The following PTPRA variants were observed in gnomAD, a reference collection of about 807,000 sequenced individuals.
The protein encoded by PTPRA is receptor-type tyrosine-protein phosphatase alpha.
A neutral mutation model predicts 104.8 loss-of-function variants in PTPRA; 25 were observed. That is an observed-to-expected ratio of 0.24 (90% confidence interval 0.17 to 0.33). The LOEUF is 0.33. PTPRA is among the 10% of genes least tolerant of loss of function. The pLI is 1.00. For missense variants in PTPRA, 765 were observed against 1,015.3 expected (o/e 0.75, Z 3.35); for synonymous variants, 323 against 368.9 (o/e 0.88, Z 1.43).
At chr20:2,895,681 G>GCT (rs1326010528) in intron 1 of PTPRA, among the ~76,000 whole-genome samples, 1 of 151,860 alleles carries the variant, frequency 6.6e-6, no homozygotes, top group Non-Finnish European at 1.5e-5. Flanking sequence ...CAAACACCTG[G>GCT]AATTAGTCTG....
chr20:2,865,064 C>T, the PTPRA span: 1 of 1,614,056 alleles, frequency 6.2e-7, no homozygotes, highest in African/African-American at 1.3e-5. This position sits in a 1 kb window ranked among gnomAD's most constrained non-coding sequence, Gnocchi z 5.2. Flanking sequence ...AGGTTTGGCC[C>T]ACCTTTTTCC....
the PTPRA span, chr20:2,866,324 A>G: frequency 8.7e-6 from 14 of 1,614,016 alleles, no homozygotes; most frequent in African/African-American, 6.7e-5. Context: ...GGGTGCGTCA[A>G]CTGAGGGCCT....
rs115108408 is a variant in PTPRA at position 3,010,174 on chromosome 20, T to C, written c.906+2754T>C. Among the ~76,000 whole-genome samples the C allele has an allele frequency of 5.6e-3, 857 of 151,838 alleles. 8 individuals are homozygous for C. Among genetic ancestry groups the C allele is most frequent in the African/African-American group, 0.019 (793 of 41,438 alleles). On this transcript the variant is annotated intron_variant, in intron 11 of 23. Coordinates refer to ENST00000399903, the MANE Select transcript of PTPRA (RefSeq NM_001385305.1). ...TGGAACATTTATTTGTCTCATATAC[T>C]GTGAAAGCAAATGGAGACCAGTTCT... is the stretch of plus-strand genomic sequence containing the variant.
At chr20:2,865,176 G>A in the PTPRA span, 12 of 1,614,110 alleles carry the variant, frequency 7.4e-6, no homozygotes, top group Middle Eastern at 1.6e-4. This position sits in a 1 kb window ranked among gnomAD's most constrained non-coding sequence, Gnocchi z 5.2. Context: ...CGGCTCCTAC[G>A]GCTGCAGCGG....
At chr20:2,894,734 C>A (rs2058928502) in intron 1 of PTPRA, among the ~76,000 whole-genome samples, 1 of 152,052 alleles carries the variant, frequency 6.6e-6, no homozygotes, top group Admixed American at 6.5e-5. Context: ...TGCCTGTAAT[C>A]CCAGCACTTT....
intron 1 of PTPRA, among the ~76,000 whole-genome samples, chr20:2,888,537 G>A (rs2090499957): frequency 6.6e-6 from 1 of 151,602 alleles, no homozygotes; most frequent in African/African-American, 2.4e-5. Flanking sequence ...GGGCAGCAGA[G>A]TGAGACCCCT....
At chr20:2,866,115 T>C in the PTPRA span, 1 of 1,020,618 alleles carries the variant, frequency 9.8e-7, no homozygotes, top group African/African-American at 1.6e-5. Context: ...ATATAGAATA[T>C]ATATGGACGA....
intron 2 of PTPRA, among the ~76,000 whole-genome samples, chr20:2,937,238 C>T (rs2060740202): frequency 6.6e-6 from 1 of 151,848 alleles, no homozygotes; most frequent in African/African-American, 2.4e-5. Context: ...ATTCTCCTGC[C>T]TCAGCCCCTC....
chr20:2,994,980 A>G (rs998424844), intron 9 of PTPRA, among the ~76,000 whole-genome samples: 1 of 152,080 alleles, frequency 6.6e-6, no homozygotes. Context: ...AAATACAAAA[A>G]TTAGCCGGGC....
chr20:3,012,267 A>G (rs2064209478), intron 11 of PTPRA, among the ~76,000 whole-genome samples: 1 of 152,208 alleles, frequency 6.6e-6, no homozygotes, highest in South Asian at 2.1e-4. Context: ...CATGTACAAC[A>G]TGGATTTAGG....
chr20:2,917,093 G>T (rs1219282752), intron 1 of PTPRA, among the ~76,000 whole-genome samples: 1 of 151,550 alleles, frequency 6.6e-6, no homozygotes, highest in African/African-American at 2.4e-5. Flanking sequence ...GAGTAGCTGG[G>T]ATTACAGGCA....
At chr20:2,897,078 C>G (rs2059028156) in intron 1 of PTPRA, among the ~76,000 whole-genome samples, 1 of 152,180 alleles carries the variant, frequency 6.6e-6, no homozygotes, top group Non-Finnish European at 1.5e-5. Flanking sequence ...TGCATCGTAT[C>G]AAGAGGTTCA....
rs904143691 is a variant in PTPRA, at chr20:2,928,831, T to TC, written c.-50+5546_-50+5547insC. On this transcript the variant is annotated intron_variant, in intron 2 of 23. Transcript: ENST00000399903. ...TTATCTCCTAATCTTTTTTTCTCTC[T>TC]TTTTTTTTTTTTTTTTGAGACAGGG... Among the ~76,000 whole-genome samples, 21 of 123,990 alleles carry TC rather than the reference T, an allele frequency of 1.7e-4. 1 individual carries two copies. The highest frequency in any genetic ancestry group is 5.2e-4 in the African/African-American group (16 of 30,846). 81.3% of individuals were successfully genotyped at this position (123,990 alleles called of 152,430 possible).
chr20:3,038,040 C>G lies in PTPRA; in HGVS notation c.2335-19C>G, dbSNP rs765111866. ...GTTCTTCAGTAACCCTGACTTTTTC[C>G]CTACCTTTCACTCTCCAGGAACAGT... On this transcript the variant is annotated intron_variant, in intron 23 of 23. Coordinates refer to ENST00000399903, the MANE Select transcript of PTPRA (RefSeq NM_001385305.1). The G allele has an allele frequency of 6.3e-7, 1 of 1,593,108 alleles. No homozygotes were observed.
At chr20:2,992,126 G>A (rs868095043) in intron 9 of PTPRA, among the ~76,000 whole-genome samples, 2 of 152,332 alleles carry the variant, frequency 1.3e-5, no homozygotes, top group Non-Finnish European at 2.9e-5. Context: ...TATTGCGGCA[G>A]TGGGTTGTGT....
At chr20:2,912,026 T>G (rs2059742006) in intron 1 of PTPRA, among the ~76,000 whole-genome samples, 2 of 152,004 alleles carry the variant, frequency 1.3e-5, no homozygotes, top group African/African-American at 4.8e-5. Context: ...GCAGATCACT[T>G]GAGCCCAGGA....
intron 12 of PTPRA, 53 bp from the exon 13 acceptor site, chr20:3,017,763 G>A: frequency 1.3e-6 from 2 of 1,499,224 alleles, no homozygotes; most frequent in Non-Finnish European, 1.9e-6. Context: ...CAGCCTCCCA[G>A]CATCTTTCTT....
chr20:2,910,341 T>A (rs1178166258), intron 1 of PTPRA, among the ~76,000 whole-genome samples: 1 of 86,030 alleles, frequency 1.2e-5, no homozygotes, highest in African/African-American at 4.4e-5. Context: ...TATAATATAT[T>A]TTGTATATTA....
chr20:2,938,565 A>G (rs2060792724), intron 2 of PTPRA, among the ~76,000 whole-genome samples: 1 of 151,840 alleles, frequency 6.6e-6, no homozygotes, highest in African/African-American at 2.4e-5. Context: ...CCCTGATAGC[A>G]TGAATGTTAG....
Sources: allele counts gnomAD v4.1 joint callset (sites outside exome capture counted in the v4.1 genomes callset), GRCh38; gene constraint gnomAD v4.1.1; non-coding constraint Gnocchi (gnomAD v3.1); transcripts MANE v1.5; gene names NCBI Gene and HGNC (gene_info 2026-07-23, HGNC 2026-07-21).